Variants in KCTD20 observed in about 807,000 individuals in gnomAD.
The protein encoded by KCTD20 is potassium channel tetramerization domain containing 20.
Under a neutral mutation model 39.6 loss-of-function variants are expected in KCTD20, and 30 were observed. The ratio of observed to expected loss-of-function variants is 0.76; its 90% CI spans 0.57 to 1.03. The LOEUF is 1.03. Ranked by LOEUF, KCTD20 falls within the 50% of genes least tolerant of loss-of-function variation. The pLI is 0.00. For synonymous variants in KCTD20, 162 were observed against 180.6 expected (o/e 0.90, Z 0.83); for missense variants, 422 against 522.0 (o/e 0.81, Z 1.87).
rs948428365 is a variant in KCTD20 at position 36,479,257 on chromosome 6, C to T, written c.537+34C>T. The T allele has an allele frequency of 8.3e-6, 12 of 1,446,278 alleles. 1 individual carries two copies. The highest frequency in any genetic ancestry group is 4.6e-5 in the East Asian group (2 of 43,812). The allele number at this position is 1,446,278 out of a possible 1,614,324, so 89.6% of individuals were successfully genotyped here. On this transcript the variant is annotated intron_variant, in intron 4 of 7. Coordinates refer to ENST00000373731, the MANE Select transcript of KCTD20 (RefSeq NM_173562.5). The stretch of plus-strand genomic sequence containing the variant: ...TAGCCTTTTTTGTTACATTCTCTTC[C>T]TCAGGGGCATGTGTGATCAATAGCC...
chr6:36,465,708 A>T (rs999760355), intron 1 of KCTD20: 2 of 152,148 alleles, frequency 1.3e-5, no homozygotes, highest in Non-Finnish European at 2.9e-5. Flanking sequence ...GGTCAGTAAA[A>T]TCAAGACTTA....
At chr6:36,443,408 C>T (rs1363219231) in intron 1 of KCTD20, 1 of 152,170 alleles carries the variant, frequency 6.6e-6, no homozygotes, top group Non-Finnish European at 1.5e-5. Context: ...TGCTTGACTG[C>T]TTTTTGCAGG....
At position 36,483,898 on chromosome 6, in the gene KCTD20, A is replaced by G. The variant is rs149164887; in HGVS notation, c.857-816A>G. On this transcript the variant is annotated intron_variant, in intron 6 of 7. Coordinates refer to ENST00000373731, the MANE Select transcript of KCTD20 (RefSeq NM_173562.5). The stretch of plus-strand genomic sequence containing the variant: ...AAAACGGCAGAATCTCATGATTGGC[A>G]TGAGTTTTAATTACATTTCTTATTT... Among the ~76,000 whole-genome samples, 56 of 150,994 alleles carry G rather than the reference A, an allele frequency of 3.7e-4. 1 individual carries two copies. The East Asian group carries it at 0.011, about 29-fold the overall frequency.
chr6:36,474,069 T>C (rs1481693076), intron 2 of KCTD20, among the ~76,000 whole-genome samples: 1 of 149,984 alleles, frequency 6.7e-6, no homozygotes, highest in East Asian at 1.9e-4. Context: ...TTGTTTTGTT[T>C]TGTTTTTGTT....
intron 1 of KCTD20, among the ~76,000 whole-genome samples, chr6:36,461,656 A>C (rs912922670): frequency 6.6e-6 from 1 of 152,128 alleles, no homozygotes; most frequent in Non-Finnish European, 1.5e-5. Context: ...TTCAACGTTA[A>C]GTTATATTGA....
chr6:36,456,859 G>A (rs1561945533), intron 1 of KCTD20, among the ~76,000 whole-genome samples: 1 of 152,078 alleles, frequency 6.6e-6, no homozygotes, highest in Non-Finnish European at 1.5e-5. Flanking sequence ...AAGAGATGGC[G>A]GTCTTGGTGT....
intron 2 of KCTD20, 23 bp downstream of exon 2, chr6:36,470,280 T>TAATTTGGGGGGAA: frequency 6.4e-7 from 1 of 1,574,004 alleles, no homozygotes; most frequent in Non-Finnish European, 8.7e-7. Flanking sequence ...ACTCTTGACT[T>TAATTTGGGGGGAA]AATTTGGGGG....
At chr6:36,483,055 G>A (rs567433476) in intron 6 of KCTD20, among the ~76,000 whole-genome samples, 1 of 149,064 alleles carries the variant, frequency 6.7e-6, no homozygotes, top group South Asian at 2.1e-4. Flanking sequence ...GGAGGCAGAC[G>A]TTGCAGTGAG....
At chr6:36,472,902 A>AAT (rs1561953560) in intron 2 of KCTD20, among the ~76,000 whole-genome samples, 2 of 150,562 alleles carry the variant, frequency 1.3e-5, no homozygotes, top group East Asian at 1.9e-4. Flanking sequence ...TATATATATA[A>AAT]TTTTTTTTTC....
chr6:36,485,093 C>G (rs1383136438), intron 7 of KCTD20, among the ~76,000 whole-genome samples: 1 of 152,180 alleles, frequency 6.6e-6, no homozygotes, highest in Non-Finnish European at 1.5e-5. Flanking sequence ...TAGGGAGATA[C>G]AGCAGGGCTT....
intron 1 of KCTD20, among the ~76,000 whole-genome samples, chr6:36,468,913 TA>T (rs1174949827): frequency 6.6e-6 from 1 of 152,226 alleles, no homozygotes; most frequent in Non-Finnish European, 1.5e-5. Flanking sequence ...ACATTTCATC[TA>T]AGTGAAAACT....
Position 36,479,869 on chromosome 6 carries a change from G to C in KCTD20, c.658+158G>C, listed in dbSNP as rs917910640. ...TGCAGTGGCACGATCTCGGCTTACC[G>C]CAACCTCCGCCTCCTGGGTTCAAGG... On this transcript the variant is annotated intron_variant, in intron 5 of 7. Transcript: ENST00000373731. 1.1e-4 allele frequency among the ~76,000 whole-genome samples: 14 copies of C among 131,262 alleles called. No homozygotes were observed. The Admixed American group carries it at 1.1e-3, about 11-fold the overall frequency. The allele number at this position is 131,262 out of a possible 152,430, so 86.1% of individuals were successfully genotyped here.
At chr6:36,471,353 A>G (rs1775905834) in intron 2 of KCTD20, among the ~76,000 whole-genome samples, 1 of 152,214 alleles carries the variant, frequency 6.6e-6, no homozygotes, top group Admixed American at 6.5e-5. Context: ...CAAACTGGTC[A>G]AATCTGTCTA....
chr6:36,484,581 T>C, intron 6 of KCTD20, 133 bp from the exon 7 acceptor site: 1 of 556,630 alleles, frequency 1.8e-6, no homozygotes, highest in Non-Finnish European at 3.2e-6. Flanking sequence ...TTATTTAACA[T>C]TTAATCTTTG....
chr6:36,480,337 C>A (rs1269116323), intron 5 of KCTD20, among the ~76,000 whole-genome samples: 1 of 151,784 alleles, frequency 6.6e-6, no homozygotes, highest in Non-Finnish European at 1.5e-5. Context: ...TACTGATTGT[C>A]CAACATGAGG....
At chr6:36,445,366 T>G (rs184326324) in intron 1 of KCTD20, among the ~76,000 whole-genome samples, 44 of 152,104 alleles carry the variant, frequency 2.9e-4, no homozygotes, top group Non-Finnish European at 1.6e-4. Context: ...CAAATAGATG[T>G]GTAGAGATGA....
chr6:36,469,936 A>G lies in KCTD20; in HGVS notation c.-46-116A>G, dbSNP rs2273882. 19,059 of 496,768 alleles carry G rather than the reference A, an allele frequency of 0.038. 1,183 individuals are homozygous for G. Among genetic ancestry groups the G allele is most frequent in the Admixed American group, 0.19 (4,607 of 24,738 alleles). 30.8% of individuals were successfully genotyped at this position (496,768 alleles called of 1,614,324 possible). On this transcript the variant is annotated intron_variant, in intron 1 of 7. Transcript: ENST00000373731. The surrounding 1 kb of genome is among the most constrained non-coding windows in gnomAD (Gnocchi z 4.6). ...AATCACAAAAATGTTTAAGATGCCT[A>G]TTTCTCCTGAGAACAGGAATGCTAG...
intron 5 of KCTD20, among the ~76,000 whole-genome samples, chr6:36,480,636 A>G (rs1313577724): frequency 1.3e-5 from 2 of 151,988 alleles, no homozygotes; most frequent in Non-Finnish European, 2.9e-5. Flanking sequence ...ATCTCAGCTC[A>G]CTGCAGCCTC....
chr6:36,485,292 C>T (rs1266718898), intron 7 of KCTD20, among the ~76,000 whole-genome samples: 1 of 149,124 alleles, frequency 6.7e-6, no homozygotes, highest in Non-Finnish European at 1.5e-5. Context: ...CCAGCCTGGG[C>T]AATAAGAGTT....
Sources: gnomAD v4.1 joint callset for allele counts (sites outside exome capture counted in the v4.1 genomes callset) on GRCh38, gnomAD v4.1.1 for gene constraint, Gnocchi (gnomAD v3.1) non-coding constraint, MANE v1.5 for transcripts, NCBI Gene and HGNC (gene_info 2026-07-23, HGNC 2026-07-21) for gene names.